Variants in CX3CR1 observed in about 807,000 individuals in gnomAD.
CX3CR1 encodes the protein CX3C chemokine receptor 1.
For synonymous variants in CX3CR1, 168 were observed against 178.5 expected (o/e 0.94, Z 0.47); for missense variants, 363 against 432.4 (o/e 0.84, Z 1.42).
Position 39,264,575 on chromosome 3 carries a change from G to A in CX3CR1, c.*867C>T, listed in dbSNP as rs777912242. On this transcript the variant is annotated 3_prime_UTR_variant, in exon 2 of 2. Transcript: ENST00000399220. Reference sequence around the variant, plus strand: ...AGTCCTTTGGGAAGGAGGAGGCAATGGGGAATCTATTGGTAGGACCCCATG... The same window carrying A: ...AGTCCTTTGGGAAGGAGGAGGCAATAGGGAATCTATTGGTAGGACCCCATG... The A allele has an allele frequency of 2.0e-5, 3 of 152,426 alleles. No homozygotes were observed. In the South Asian group the frequency reaches 6.2e-4, roughly 32 times the overall value. 9.4% of individuals were successfully genotyped at this position (152,426 alleles called of 1,614,324 possible).
chr3:39,274,925 C>A lies in CX3CR1; in HGVS notation c.-10+5029G>T, dbSNP rs4676624. ...CGCCCAGGCTGGAGTGCAATGGTGC[C>A]ATCTTGGCTCACTGCCACCTCCACC... is the stretch of plus-strand genomic sequence containing the variant. On this transcript the variant is annotated intron_variant, in intron 1 of 1. Coordinates refer to ENST00000399220, the MANE Select transcript of CX3CR1 (RefSeq NM_001337.4). Among the ~76,000 whole-genome samples, 2 of 151,750 alleles carry A rather than the reference C, an allele frequency of 1.3e-5. 1 individual carries two copies. Among genetic ancestry groups the A allele is most frequent in the South Asian group, 4.2e-4 (2 of 4,816 alleles).
chr3:39,276,940 G>A (rs2040846981), intron 1 of CX3CR1, among the ~76,000 whole-genome samples: 1 of 152,172 alleles, frequency 6.6e-6, no homozygotes, highest in Non-Finnish European at 1.5e-5. Flanking sequence ...ACATGAGAGA[G>A]GCTTCTGGGG....
intron 1 of CX3CR1, among the ~76,000 whole-genome samples, chr3:39,267,675 C>T (rs937154728): frequency 1.3e-5 from 2 of 152,336 alleles, no homozygotes; most frequent in Admixed American, 1.3e-4. Flanking sequence ...GAGGGGCTGA[C>T]TGATTCAAGA....
chr3:39,273,606 T>C (rs2040804742), intron 1 of CX3CR1, among the ~76,000 whole-genome samples: 1 of 152,220 alleles, frequency 6.6e-6, no homozygotes, highest in Non-Finnish European at 1.5e-5. Flanking sequence ...TTGCTAGCTC[T>C]GGCATGCTCA....
chr3:39,276,815 T>C (rs553000384), intron 1 of CX3CR1, among the ~76,000 whole-genome samples: 4 of 152,280 alleles, frequency 2.6e-5, no homozygotes, highest in African/African-American at 9.6e-5. Context: ...AGCTATATTG[T>C]TTAGGGATGA....
In CX3CR1 at chr3:39,266,075, A is replaced by T; in HGVS notation, c.435T>A (p.His145Gln). 1 of 1,614,228 alleles carries T rather than the reference A, an allele frequency of 6.2e-7. No individual in the cohort carries two copies. Among genetic ancestry groups the T allele is most frequent in the South Asian group, 1.1e-5 (1 of 91,084 alleles). ...AGACGCCTAGGCTGATGGTGACGCC[A>T]TGCTGCACGGTCCGGTTGTTCATGG... Reference protein sequence around the residue: ...ANSMNNRTVQHGVTISLGVWA... With the variant: ...ANSMNNRTVQQGVTISLGVWA... Residue 145 changes from histidine to glutamine, a missense_variant, in exon 2 of 2, where the codon CAT (histidine) becomes CAA (glutamine). Physicochemically the swap from His to Gln is conservative, Grantham distance 24. Transcript: ENST00000399220.
upstream of CX3CR1, chr3:39,281,854 T>A: frequency 1.6e-6 from 1 of 614,598 alleles, no homozygotes; most frequent in Non-Finnish European, 2.9e-6. Flanking sequence ...GATTTTACCC[T>A]CTTTTAAAGC....
rs2040680175 is a variant in CX3CR1 at position 39,265,323 on chromosome 3, G to A, written c.*119C>T. 9.6e-7 allele frequency: 1 copy of A among 1,046,002 alleles called. No homozygotes were observed. Among genetic ancestry groups the A allele is most frequent in the Non-Finnish European group, 1.4e-6 (1 of 717,766 alleles). The allele number at this position is 1,046,002 out of a possible 1,614,324, so 64.8% of individuals were successfully genotyped here. On this transcript the variant is annotated 3_prime_UTR_variant, in exon 2 of 2. Coordinates refer to ENST00000399220, the MANE Select transcript of CX3CR1 (RefSeq NM_001337.4). ...CAACAACACTCTAGGGTTGTTTTGT[G>A]TGCATTGGGTCCATCATTTTGTGCC...
intron 1 of CX3CR1, among the ~76,000 whole-genome samples, chr3:39,274,623 A>G (rs1215671600): frequency 6.6e-6 from 1 of 150,884 alleles, no homozygotes; most frequent in East Asian, 2.0e-4. Context: ...GTATTTATTT[A>G]TTTATGTCAA....
chr3:39,289,840 G>A, the CX3CR1 span, among the ~76,000 whole-genome samples: 3 of 152,124 alleles, frequency 2.0e-5, no homozygotes, highest in Non-Finnish European at 2.9e-5. Context: ...GAAAGGAGGC[G>A]GCATCTGCAA....
At chr3:39,288,357 A>G in the CX3CR1 span, among the ~76,000 whole-genome samples, 2 of 152,202 alleles carry the variant, frequency 1.3e-5, no homozygotes, top group Admixed American at 1.3e-4. Flanking sequence ...TAAGGATACA[A>G]AGATGAATAG....
the CX3CR1 span, among the ~76,000 whole-genome samples, chr3:39,291,797 TG>T: frequency 1.3e-5 from 2 of 152,186 alleles, no homozygotes; most frequent in African/African-American, 4.8e-5. Flanking sequence ...GCTGATAGGT[TG>T]GTGGGAGGGC....
rs1284432984 is a variant in CX3CR1, at chr3:39,265,401, A to G, written c.*41T>C. The G allele has an allele frequency of 6.5e-7, 1 of 1,540,490 alleles. No homozygotes were observed. Among genetic ancestry groups the G allele is most frequent in the South Asian group, 1.3e-5 (1 of 79,574 alleles). On this transcript the variant is annotated 3_prime_UTR_variant, in exon 2 of 2. Coordinates refer to ENST00000399220, the MANE Select transcript of CX3CR1 (RefSeq NM_001337.4). Reference sequence around the variant, plus strand: ...CTCACTAGTCAGCATCAGGTTCAGGAACTCCAGGTTCTCTGTAGACACAAG... The same window carrying G: ...CTCACTAGTCAGCATCAGGTTCAGGGACTCCAGGTTCTCTGTAGACACAAG...
At chr3:39,281,487 A>C (rs2040898759), upstream of CX3CR1, 1 of 889,862 alleles carries the variant, frequency 1.1e-6, no homozygotes, top group African/African-American at 1.7e-5. Flanking sequence ...AGTCTCATCC[A>C]CCCCACATCA....
intron 1 of CX3CR1, among the ~76,000 whole-genome samples, chr3:39,278,378 T>C (rs2040861063): frequency 6.6e-6 from 1 of 152,164 alleles, no homozygotes; most frequent in South Asian, 2.1e-4. Context: ...CCTGAGCCCA[T>C]TTCTCATTCC....
chr3:39,282,009 ATGG>A (rs1350886779), upstream of CX3CR1, among the ~76,000 whole-genome samples: 1 of 152,132 alleles, frequency 6.6e-6, no homozygotes, highest in African/African-American at 2.4e-5. Flanking sequence ...TGTGTGAGGG[ATGG>A]GGAGGTTATA....
chr3:39,266,418 G>A lies in CX3CR1; in HGVS notation c.92C>T (p.Thr31Ile), dbSNP rs1312805034. 1 of 1,614,152 alleles carries A rather than the reference G, an allele frequency of 6.2e-7. No individual in the cohort carries two copies. The highest frequency in any genetic ancestry group is 1.1e-5 in the South Asian group (1 of 91,078). The part of the protein sequence containing the change: ...CYIGDIVVFG[T>I]VFLSIFYSVI... ...GGAGTAGAATATGGACAGGAACACAGTCCCAAAGACCACGATGTCCCCAAT... is the reference window on the plus strand; with the variant it reads ...GGAGTAGAATATGGACAGGAACACAATCCCAAAGACCACGATGTCCCCAAT... The change falls in exon 2 of 2, where the codon ACT becomes ATT. Residue 31 changes from threonine to isoleucine, a missense_variant. Thr to Ile is a moderately conservative substitution (Grantham distance 89, BLOSUM62 -1). Transcript: ENST00000399220.
the CX3CR1 span, among the ~76,000 whole-genome samples, chr3:39,291,515 G>C: frequency 6.6e-6 from 1 of 152,194 alleles, no homozygotes; most frequent in Non-Finnish European, 1.5e-5. Flanking sequence ...AAAAAGCACA[G>C]ATCACAGGTT....
At chr3:39,283,083 A>G (rs1043520370), upstream of CX3CR1, among the ~76,000 whole-genome samples, 1 of 152,106 alleles carries the variant, frequency 6.6e-6, no homozygotes, top group Admixed American at 6.5e-5. Flanking sequence ...GTAGAGACAG[A>G]GTTTCGCCAT....
Sources: allele counts gnomAD v4.1 joint callset (sites outside exome capture counted in the v4.1 genomes callset), GRCh38; gene constraint gnomAD v4.1.1; transcripts MANE v1.5; gene names NCBI Gene and HGNC (gene_info 2026-07-23, HGNC 2026-07-21).